NKAIN3: variants seen among roughly 807,000 people sequenced by gnomAD.
NKAIN3 encodes the protein sodium/potassium-transporting ATPase subunit beta-1-interacting protein 3.
A neutral mutation model predicts 30.2 loss-of-function variants in NKAIN3; 25 were observed. The observed-to-expected ratio is 0.83, with a 90% CI of 0.60 to 1.16. The LOEUF (loss-of-function observed/expected upper bound fraction) is 1.16, where lower values mean the gene tolerates loss of function less well. Ranked by LOEUF, NKAIN3 falls within the 50% of genes most tolerant of loss-of-function variation. The pLI is 0.00. For synonymous variants in NKAIN3, 91 were observed against 89.6 expected (o/e 1.02, Z -0.09); for missense variants, 225 against 254.1 (o/e 0.89, Z 0.78).
intron 1 of NKAIN3, among the ~76,000 whole-genome samples, chr8:62,508,872 T>C (rs543141716): frequency 7.5e-6 from 1 of 133,734 alleles, no homozygotes; most frequent in Admixed American, 7.1e-5. Context: ...GAAGTCAGGG[T>C]ACCCATATAA....
chr8:62,318,855 G>A (rs1481879176), intron 1 of NKAIN3, among the ~76,000 whole-genome samples: 31 of 152,178 alleles, frequency 2.0e-4, no homozygotes, highest in Non-Finnish European at 1.2e-4. Flanking sequence ...CATAAAATGA[G>A]TTAGGGAGGA....
chr8:62,381,726 A>T (rs960930168), intron 1 of NKAIN3, among the ~76,000 whole-genome samples: 1 of 152,154 alleles, frequency 6.6e-6, no homozygotes, highest in Non-Finnish European at 1.5e-5. Context: ...AGTTCTCCTA[A>T]CTACTAGCTT....
chr8:62,347,231 AG>A (rs1816032436), intron 1 of NKAIN3, among the ~76,000 whole-genome samples: 1 of 152,178 alleles, frequency 6.6e-6, no homozygotes, highest in Non-Finnish European at 1.5e-5. Flanking sequence ...CTATGAATGA[AG>A]ATAGGAGCTT....
intron 3 of NKAIN3, among the ~76,000 whole-genome samples, chr8:62,718,937 C>T (rs913169310): frequency 3.3e-5 from 5 of 152,104 alleles, no homozygotes; most frequent in African/African-American, 1.2e-4. Context: ...ATATCTGACC[C>T]TGTGGTAGGC....
intron 1 of NKAIN3, among the ~76,000 whole-genome samples, chr8:62,257,556 C>CA (rs1021613105): frequency 9.3e-4 from 141 of 151,920 alleles, no homozygotes; most frequent in East Asian, 3.5e-3. Context: ...CACTCCTCTT[C>CA]AAAAAAAATA....
chr8:62,941,549 G>A (rs1204253095), intron 5 of NKAIN3, among the ~76,000 whole-genome samples: 1 of 152,086 alleles, frequency 6.6e-6, no homozygotes, highest in Non-Finnish European at 1.5e-5. Context: ...ATATTAAAAA[G>A]ATAATCCACC....
At chr8:62,801,984 G>A (rs1005547145) in intron 4 of NKAIN3, among the ~76,000 whole-genome samples, 2 of 152,178 alleles carry the variant, frequency 1.3e-5, no homozygotes, top group Non-Finnish European at 2.9e-5. Context: ...AGAAGCCTCA[G>A]GAGCTGATGT....
At chr8:62,404,210 A>G (rs1803985449) in intron 1 of NKAIN3, among the ~76,000 whole-genome samples, 1 of 152,220 alleles carries the variant, frequency 6.6e-6, no homozygotes, top group Non-Finnish European at 1.5e-5. Context: ...GCTCAAATGC[A>G]GAAGGAACTT....
chr8:62,926,492 C>T (rs1292000290), intron 5 of NKAIN3, among the ~76,000 whole-genome samples: 1 of 152,038 alleles, frequency 6.6e-6, no homozygotes, highest in Admixed American at 6.5e-5. Flanking sequence ...CCGCCCAACC[C>T]GCTCCAGGGG....
intron 1 of NKAIN3, among the ~76,000 whole-genome samples, chr8:62,398,698 C>A (rs569533539): frequency 6.6e-6 from 1 of 152,324 alleles, no homozygotes; most frequent in East Asian, 1.9e-4. Flanking sequence ...GCAGAGTGAA[C>A]TGTTACTGTC....
At chr8:62,427,459 C>T (rs2129597231) in intron 1 of NKAIN3, among the ~76,000 whole-genome samples, 1 of 152,032 alleles carries the variant, frequency 6.6e-6, no homozygotes, top group Middle Eastern at 3.4e-3. Flanking sequence ...TAGTTAATTA[C>T]ACTTTAAAAA....
Position 62,832,924 on chromosome 8 carries a change from A to G in NKAIN3, c.472-85529A>G, listed in dbSNP as rs559215522. On this transcript the variant is annotated intron_variant, in intron 4 of 6. Coordinates refer to ENST00000623646, the MANE Select transcript of NKAIN3 (RefSeq NM_001304533.3). ...ATCTACACACAAAACATACTCCATA[A>G]TAGACCACATGCTCAGCCATAAAGC... Among the ~76,000 whole-genome samples the G allele has an allele frequency of 2.0e-5, 3 of 152,232 alleles. No individual in the cohort carries two copies. The East Asian group carries it at 5.8e-4, about 29-fold the overall frequency.
chr8:62,256,411 TC>T (rs1347325118), intron 1 of NKAIN3, among the ~76,000 whole-genome samples: 4 of 151,948 alleles, frequency 2.6e-5, no homozygotes, highest in Non-Finnish European at 5.9e-5. Flanking sequence ...AGAACAAGAA[TC>T]TGTCTCTAAA....
intron 1 of NKAIN3, among the ~76,000 whole-genome samples, chr8:62,468,471 A>C (rs1027513911): frequency 1.7e-4 from 26 of 152,288 alleles, no homozygotes; most frequent in African/African-American, 6.3e-4. Flanking sequence ...CCAGGGAGCA[A>C]TGAAGAGATG....
chr8:62,364,708 G>A (rs1300579690), intron 1 of NKAIN3, among the ~76,000 whole-genome samples: 1 of 150,928 alleles, frequency 6.6e-6, no homozygotes, highest in Non-Finnish European at 1.5e-5. Context: ...GCCTGGTGGC[G>A]GGCGCCTGTA....
chr8:62,661,243 C>T (rs946113503), intron 3 of NKAIN3, among the ~76,000 whole-genome samples: 8 of 152,098 alleles, frequency 5.3e-5, no homozygotes, highest in South Asian at 2.1e-4. Flanking sequence ...CCTTCACAAT[C>T]GAGAGAAGGT....
chr8:62,463,859 A>G (rs1345864517), intron 1 of NKAIN3, among the ~76,000 whole-genome samples: 1 of 152,212 alleles, frequency 6.6e-6, no homozygotes, highest in Non-Finnish European at 1.5e-5. Flanking sequence ...GTAATTAGTT[A>G]TATAAATATT....
intron 3 of NKAIN3, among the ~76,000 whole-genome samples, chr8:62,663,274 T>C (rs1563505970): frequency 6.6e-6 from 1 of 152,210 alleles, no homozygotes; most frequent in Non-Finnish European, 1.5e-5. Context: ...TCTGGCCTGT[T>C]ATTTAAAATA....
chr8:62,312,646 T>C (rs557662347), intron 1 of NKAIN3, among the ~76,000 whole-genome samples: 18 of 142,118 alleles, frequency 1.3e-4, no homozygotes, highest in African/African-American at 5.6e-4. Context: ...AGTGAAACCC[T>C]ATTGCTACAA....
Sources: allele counts gnomAD v4.1 joint callset (sites outside exome capture counted in the v4.1 genomes callset), GRCh38; gene constraint gnomAD v4.1.1; transcripts MANE v1.5; gene names NCBI Gene and HGNC (gene_info 2026-07-23, HGNC 2026-07-21).